The following FAIM2 variants were observed in gnomAD, a reference collection of about 807,000 sequenced individuals.
The protein encoded by FAIM2 is protein lifeguard 2.
FAIM2 carries 27 observed loss-of-function variants against 47.4 expected under a neutral mutation model. That is an observed-to-expected ratio of 0.57 (90% CI 0.42 to 0.78). The LOEUF is 0.78. Ranked by LOEUF, FAIM2 falls within the 30% of genes least tolerant of loss-of-function variation. The probability of loss-of-function intolerance (pLI) is 0.00; values close to 1 mark genes in which losing one functional copy is unlikely to be tolerated. For missense variants in FAIM2, 311 were observed against 389.4 expected, an observed-to-expected ratio of 0.80 and a Z score of 1.69; for synonymous variants, 156 against 159.3, an observed-to-expected ratio of 0.98 and a Z score of 0.16.
chr12:49,894,988 G>A (rs559028326), intron 5 of FAIM2, among the ~76,000 whole-genome samples: 1 of 152,240 alleles, frequency 6.6e-6, no homozygotes, highest in African/African-American at 2.4e-5. Context: ...TGTTGCAGGA[G>A]GTGAGACCTA....
In FAIM2 at chr12:49,893,470, A is replaced by T. The variant is rs562108226; in HGVS notation, c.435-2356T>A. Among the ~76,000 whole-genome samples, 39 of 152,338 alleles carry T rather than the reference A, an allele frequency of 2.6e-4. No homozygotes were observed. In the East Asian group the frequency reaches 7.5e-3, roughly 29 times the overall value. On this transcript the variant is annotated intron_variant, in intron 5 of 11. Transcript: ENST00000320634. ...CTCTGACTTCCCACCCAGGTATAGC[A>T]TCTGGGGGCCAGCCTGCAACTTATC...
chr12:49,893,839 T>C (rs1284618705), intron 5 of FAIM2, among the ~76,000 whole-genome samples: 2 of 152,206 alleles, frequency 1.3e-5, no homozygotes, highest in African/African-American at 2.4e-5. Flanking sequence ...TCTTTCAGTC[T>C]CACTTGAGTC....
chr12:49,879,062 ATGTATATGTGCATGTGTATG>A lies in FAIM2; in HGVS notation c.801+8304_801+8323del, dbSNP rs1283863576. On this transcript the variant is annotated intron_variant, in intron 11 of 11. Transcript: ENST00000320634. ...TGCATGAGTTTGTGTATGTGCATGT[ATGTATATGTGCATGTGTATG>A]TGTCTGTGTGCATGTGAGTGTATGT... Among the ~76,000 whole-genome samples, 2 of 122,978 alleles carry A rather than the reference ATGTATATGTGCATGTGTATG, an allele frequency of 1.6e-5. 1 individual carries two copies. The highest frequency in any genetic ancestry group is 6.6e-5 in the African/African-American group (2 of 30,090). The allele number at this position is 122,978 out of a possible 152,430, so 80.7% of individuals were successfully genotyped here.
chr12:49,886,353 A>C (rs1946861041), intron 11 of FAIM2, among the ~76,000 whole-genome samples: 1 of 152,172 alleles, frequency 6.6e-6, no homozygotes, highest in Non-Finnish European at 1.5e-5. Context: ...TCAGACCCCA[A>C]GGGGGACACA....
chr12:49,884,770 C>G (rs1056874396), intron 11 of FAIM2, among the ~76,000 whole-genome samples: 3 of 152,156 alleles, frequency 2.0e-5, no homozygotes, highest in Non-Finnish European at 2.9e-5. Context: ...GTCAGGAGAT[C>G]GAGACCATCC....
chr12:49,903,730 CG>C, intron 1 of FAIM2, 47 bp downstream of exon 1: 1 of 1,550,080 alleles, frequency 6.5e-7, no homozygotes, highest in Non-Finnish European at 8.7e-7. Flanking sequence ...GACAGGGAGC[CG>C]GGAGCCGGAG....
At chr12:49,879,301 T>C (rs529743803) in intron 11 of FAIM2, among the ~76,000 whole-genome samples, 1 of 123,548 alleles carries the variant, frequency 8.1e-6, no homozygotes, top group African/African-American at 3.3e-5. Flanking sequence ...TGGGTATGTG[T>C]ATGCATGTGC....
At chr12:49,881,106 A>C (rs886384134) in intron 11 of FAIM2, among the ~76,000 whole-genome samples, 1 of 152,058 alleles carries the variant, frequency 6.6e-6, no homozygotes, top group African/African-American at 2.4e-5. Context: ...GCATCTTCCT[A>C]TCCCAGCTCT....
intron 11 of FAIM2, among the ~76,000 whole-genome samples, chr12:49,872,530 C>A (rs149986084): frequency 6.6e-6 from 1 of 152,346 alleles, no homozygotes; most frequent in Non-Finnish European, 1.5e-5. Flanking sequence ...AAGACCCAGA[C>A]TTTAGAGTTG....
chr12:49,890,933 C>T (rs1051811661), intron 6 of FAIM2, 131 bp downstream of exon 6: 7 of 966,762 alleles, frequency 7.2e-6, no homozygotes, highest in African/African-American at 1.6e-5. Context: ...GCTGCCTGCT[C>T]GATAGAGGCC....
At chr12:49,873,847 CAA>C (rs1034222411) in intron 11 of FAIM2, among the ~76,000 whole-genome samples, 1 of 152,166 alleles carries the variant, frequency 6.6e-6, no homozygotes, top group African/African-American at 2.4e-5. Context: ...GTGAGTCAAA[CAA>C]AGTCTTTTCA....
intron 5 of FAIM2, among the ~76,000 whole-genome samples, chr12:49,894,715 G>C (rs1450061608): frequency 1.3e-5 from 2 of 152,134 alleles, no homozygotes; most frequent in African/African-American, 4.8e-5. Flanking sequence ...AGAGCACAGA[G>C]GGCAAATACA....
chr12:49,897,503 C>T lies in FAIM2; in HGVS notation c.380+16G>A, dbSNP rs201027679. The T allele has an allele frequency of 2.5e-6, 4 of 1,612,972 alleles. No individual in the cohort carries two copies. The highest frequency in any genetic ancestry group is 2.5e-6 in the Non-Finnish European group (3 of 1,178,932). ...TAGTCATCCCTGGAAGGTGCTGGTC[C>T]ATGCTGCCAACTCACCAGAAAGTAA... On this transcript the variant is annotated intron_variant, in intron 4 of 11. Transcript: ENST00000320634.
At chr12:49,899,044 A>G (rs1378518760) in intron 2 of FAIM2, among the ~76,000 whole-genome samples, 1 of 152,132 alleles carries the variant, frequency 6.6e-6, no homozygotes, top group East Asian at 1.9e-4. Context: ...TCCACAGTCA[A>G]ACAGACGCAG....
chr12:49,897,633 T>C, intron 3 of FAIM2, 50 bp from the exon 4 acceptor site: 2 of 1,414,464 alleles, frequency 1.4e-6, no homozygotes, highest in Non-Finnish European at 2.0e-6. Context: ...GTTAGGGACC[T>C]GTCAGCCCCG....
At chr12:49,898,602 G>A (rs111848668) in intron 2 of FAIM2, among the ~76,000 whole-genome samples, 1 of 152,062 alleles carries the variant, frequency 6.6e-6, no homozygotes, top group South Asian at 2.1e-4. Flanking sequence ...CATGGCTCAC[G>A]GCAGCCTCGA....
Position 49,885,411 on chromosome 12 carries a change from C to T in FAIM2, c.801+1975G>A, listed in dbSNP as rs1262472203. Reference sequence around the variant, plus strand: ...CCTCTAGGGCCTCCAGGCGCTGTTGCCCAGACTAGCTCTCCCGAATGTGGC... The same window carrying T: ...CCTCTAGGGCCTCCAGGCGCTGTTGTCCAGACTAGCTCTCCCGAATGTGGC... On this transcript the variant is annotated intron_variant, in intron 11 of 11. Transcript: ENST00000320634. 3.9e-5 allele frequency among the ~76,000 whole-genome samples: 6 copies of T among 152,340 alleles called. No individual in the cohort carries two copies. In the South Asian group the frequency reaches 8.3e-4, roughly 21 times the overall value.
intron 4 of FAIM2, 23 bp downstream of exon 4, chr12:49,897,496 G>C: frequency 6.2e-7 from 1 of 1,610,302 alleles, no homozygotes; most frequent in Non-Finnish European, 8.5e-7. Context: ...CCTGGAAGGT[G>C]CTGGTCCATG....
At chr12:49,881,837 A>G (rs1946827786) in intron 11 of FAIM2, among the ~76,000 whole-genome samples, 1 of 152,232 alleles carries the variant, frequency 6.6e-6, no homozygotes, top group African/African-American at 2.4e-5. Context: ...GGTGAGGCCT[A>G]GGAGGGGCCT....
Sources: gnomAD v4.1 joint callset for allele counts (sites outside exome capture counted in the v4.1 genomes callset) on GRCh38, gnomAD v4.1.1 for gene constraint, MANE v1.5 for transcripts, NCBI Gene and HGNC (gene_info 2026-07-23, HGNC 2026-07-21) for gene names.